Variants in KHDRBS3 observed in about 807,000 individuals in gnomAD.
The protein encoded by KHDRBS3 is KH domain-containing, RNA-binding, signal transduction-associated protein 3.
In KHDRBS3, 23 loss-of-function variants were observed where a neutral mutation model predicts 45.6. That is an observed-to-expected ratio of 0.50 (90% CI 0.36 to 0.72). KHDRBS3 has a LOEUF of 0.72. Ranked by LOEUF, KHDRBS3 falls within the 30% of genes least tolerant of loss-of-function variation. The probability of loss-of-function intolerance (pLI) is 0.00; values close to 1 mark genes in which losing one functional copy is unlikely to be tolerated. For missense variants in KHDRBS3, 352 were observed against 424.8 expected (o/e 0.83, Z 1.51); for synonymous variants, 162 against 156.5 (o/e 1.04, Z -0.26).
In KHDRBS3 at chr8:135,606,937, TCTC is replaced by T. The variant is rs762672527; in HGVS notation, c.808-15_808-13del. On this transcript the variant is annotated splice_polypyrimidine_tract_variant and intron_variant, in intron 6 of 8. Transcript: ENST00000355849. ...AAACTTCTCTGAATGTTTTTGTACT[TCTC>T]CTGTTATGTTTTAGGACTATGATGA... 5.0e-6 allele frequency: 8 copies of T among 1,587,748 alleles called. No individual in the cohort carries two copies. The highest frequency in any genetic ancestry group is 1.1e-5 in the South Asian group (1 of 88,610).
At chr8:135,487,519 A>G (rs1822923822) in intron 1 of KHDRBS3, among the ~76,000 whole-genome samples, 1 of 152,238 alleles carries the variant, frequency 6.6e-6, no homozygotes, top group African/African-American at 2.4e-5. Context: ...TTAAGAGAAT[A>G]AGGTGTTACC....
At chr8:135,558,521 A>T (rs767701742) in intron 5 of KHDRBS3, among the ~76,000 whole-genome samples, 1 of 152,190 alleles carries the variant, frequency 6.6e-6, no homozygotes, top group Non-Finnish European at 1.5e-5. Flanking sequence ...TGCATTGCTG[A>T]TTAGAGCAAT....
chr8:135,570,977 A>G (rs1162734753), intron 5 of KHDRBS3, among the ~76,000 whole-genome samples: 1 of 152,218 alleles, frequency 6.6e-6, no homozygotes, highest in East Asian at 1.9e-4. Context: ...AATCACTTGC[A>G]TAGGCTTTGA....
intron 6 of KHDRBS3, among the ~76,000 whole-genome samples, chr8:135,595,287 CCTG>C (rs1227714787): frequency 1.3e-5 from 2 of 152,152 alleles, no homozygotes. Flanking sequence ...CTTTTTTACT[CCTG>C]CTGTGTGGCT....
intron 5 of KHDRBS3, among the ~76,000 whole-genome samples, chr8:135,580,438 A>G (rs1017624227): frequency 2.8e-4 from 42 of 152,310 alleles, no homozygotes; most frequent in African/African-American, 9.1e-4. Flanking sequence ...ACATAAGCCC[A>G]TTCAGATTAT....
At chr8:135,603,481 A>G (rs1429216887) in intron 6 of KHDRBS3, among the ~76,000 whole-genome samples, 1 of 152,244 alleles carries the variant, frequency 6.6e-6, no homozygotes, top group Admixed American at 6.5e-5. Flanking sequence ...TACTCAAATT[A>G]GTAATCTGCC....
At chr8:135,591,153 T>C (rs765167832) in intron 6 of KHDRBS3, among the ~76,000 whole-genome samples, 3 of 152,220 alleles carry the variant, frequency 2.0e-5, no homozygotes, top group Non-Finnish European at 2.9e-5. Context: ...AGTCACACAG[T>C]CTATTAGGGT....
intron 7 of KHDRBS3, among the ~76,000 whole-genome samples, chr8:135,611,417 TGAA>T (rs1829700516): frequency 6.6e-6 from 1 of 151,954 alleles, no homozygotes; most frequent in African/African-American, 2.4e-5. Flanking sequence ...TAGCTTACAC[TGAA>T]TAACTGCTCT....
At chr8:135,626,766 C>T (rs1251039153) in intron 7 of KHDRBS3, among the ~76,000 whole-genome samples, 4 of 129,534 alleles carry the variant, frequency 3.1e-5, no homozygotes, top group Admixed American at 8.1e-5. Flanking sequence ...ATTGCGCCAC[C>T]GCACTCCAAC....
At chr8:135,579,010 A>C (rs972011430) in intron 5 of KHDRBS3, among the ~76,000 whole-genome samples, 1 of 152,172 alleles carries the variant, frequency 6.6e-6, no homozygotes, top group African/African-American at 2.4e-5. Context: ...TATGTAGGAA[A>C]GCATTTGACT....
intron 6 of KHDRBS3, among the ~76,000 whole-genome samples, chr8:135,586,478 G>T (rs1828480740): frequency 6.6e-6 from 1 of 152,066 alleles, no homozygotes; most frequent in Non-Finnish European, 1.5e-5. Context: ...TGTGTTCCTT[G>T]CAATTCACTA....
Position 135,557,510 on chromosome 8 carries a change from A to G in KHDRBS3, c.534A>G (p.Ser178=). ...LQELTYLNGG[S]ENADVPVVRG... ...AGTTAACATATTTGAATGGTGGTTC[A>G]GAAAATGCAGATGTTCCAGTGGTTC... The change falls in exon 5 of 9, where the codon TCA becomes TCG. Residue 178 remains serine, a synonymous_variant. Transcript: ENST00000355849. 6.2e-7 allele frequency: 1 copy of G among 1,609,504 alleles called. No individual in the cohort carries two copies. Among genetic ancestry groups the G allele is most frequent in the Non-Finnish European group, 8.5e-7 (1 of 1,175,744 alleles).
chr8:135,626,515 C>T (rs1373878728), intron 7 of KHDRBS3, among the ~76,000 whole-genome samples: 3 of 152,294 alleles, frequency 2.0e-5, no homozygotes, highest in East Asian at 3.9e-4. Context: ...TAAAGAGGCA[C>T]AGTGGGGGCC....
intron 1 of KHDRBS3, among the ~76,000 whole-genome samples, chr8:135,509,773 A>G (rs1824180952): frequency 2.0e-5 from 3 of 152,186 alleles, no homozygotes; most frequent in Admixed American, 2.0e-4. Context: ...AATGTGACAA[A>G]TGCTACACTG....
chr8:135,522,499 A>C (rs772435402), intron 2 of KHDRBS3, among the ~76,000 whole-genome samples: 1 of 152,318 alleles, frequency 6.6e-6, no homozygotes, highest in East Asian at 1.9e-4. Context: ...TTTCCAAAGC[A>C]CTTATACCTT....
intron 5 of KHDRBS3, among the ~76,000 whole-genome samples, chr8:135,575,356 C>T (rs1374678458): frequency 6.6e-6 from 1 of 152,084 alleles, no homozygotes; most frequent in Non-Finnish European, 1.5e-5. Flanking sequence ...GCTCGTGGCT[C>T]ACTGTGGCTC....
At chr8:135,583,507 C>T (rs2130931437) in intron 6 of KHDRBS3, among the ~76,000 whole-genome samples, 1 of 152,264 alleles carries the variant, frequency 6.6e-6, no homozygotes, top group South Asian at 2.1e-4. Context: ...CTGTTCATTT[C>T]CACTTTGGCT....
intron 3 of KHDRBS3, among the ~76,000 whole-genome samples, chr8:135,545,248 T>G: frequency 6.6e-6 from 1 of 152,064 alleles, no homozygotes; most frequent in South Asian, 2.1e-4. Context: ...AAGCAGAGAT[T>G]GATCGTAGGC....
intron 1 of KHDRBS3, among the ~76,000 whole-genome samples, chr8:135,488,262 A>G (rs1822966326): frequency 6.6e-6 from 1 of 152,248 alleles, no homozygotes; most frequent in Non-Finnish European, 1.5e-5. Flanking sequence ...TATTGATTTC[A>G]GAAACAGAAC....
Sources: gnomAD v4.1 joint callset for allele counts (sites outside exome capture counted in the v4.1 genomes callset) on GRCh38, gnomAD v4.1.1 for gene constraint, MANE v1.5 for transcripts, NCBI Gene and HGNC (gene_info 2026-07-23, HGNC 2026-07-21) for gene names.